The following ANKRD39 variants were observed in gnomAD, a reference collection of about 807,000 sequenced individuals.
ANKRD39 encodes the protein ankyrin repeat domain-containing protein 39.
Under a neutral mutation model 20.3 loss-of-function variants are expected in ANKRD39, and 18 were observed. That is an observed-to-expected ratio of 0.89 (90% confidence interval 0.61 to 1.32). ANKRD39 has a LOEUF of 1.32. ANKRD39 is among the 40% of genes most tolerant of loss of function. The pLI is 0.00. For synonymous variants in ANKRD39, 106 were observed against 111.9 expected, an observed-to-expected ratio of 0.95 and a Z score of 0.33; for missense variants, 243 against 250.7, an observed-to-expected ratio of 0.97 and a Z score of 0.21.
Position 96,848,100 on chromosome 2 carries a change from T to G in ANKRD39, c.*201A>C. 3.5e-6 allele frequency: 2 copies of G among 568,834 alleles called. No homozygotes were observed. Among genetic ancestry groups the G allele is most frequent in the East Asian group, 5.7e-5 (2 of 34,914 alleles). 35.2% of individuals were successfully genotyped at this position (568,834 alleles called of 1,614,324 possible). A position where few individuals can be genotyped will look rare whatever the true frequency, so the allele number is the denominator to read the frequency against. ...AATAGATGTCTCATATGAACTAATT[T>G]AGAATATGATCATCTGTCCAGTCTT... On this transcript the variant is annotated 3_prime_UTR_variant, in exon 4 of 4. Coordinates refer to ENST00000393537, the MANE Select transcript of ANKRD39 (RefSeq NM_016466.6).
intron 1 of ANKRD39, among the ~76,000 whole-genome samples, chr2:96,855,593 C>T (rs1381951820): frequency 2.0e-5 from 3 of 151,530 alleles, no homozygotes; most frequent in African/African-American, 7.3e-5. Context: ...CTTGGTGGCA[C>T]GCGCCTGTAG....
intron 3 of ANKRD39, among the ~76,000 whole-genome samples, chr2:96,852,202 A>T (rs1474350371): frequency 6.6e-6 from 1 of 150,984 alleles, no homozygotes; most frequent in Non-Finnish European, 1.5e-5. Context: ...AAAAAGTGAG[A>T]CCCTGTCTCA....
At chr2:96,856,033 G>A (rs1390687710) in intron 1 of ANKRD39, among the ~76,000 whole-genome samples, 1 of 151,696 alleles carries the variant, frequency 6.6e-6, no homozygotes, top group Non-Finnish European at 1.5e-5. Context: ...GTAGTGAAGC[G>A]GATTAACAAA....
At position 96,853,472 on chromosome 2, in the gene ANKRD39, C is replaced by G. The variant is rs17852947; in HGVS notation, c.337G>C (p.Ala113Pro). The G allele has an allele frequency of 6.2e-7, 1 of 1,606,818 alleles. No homozygotes were observed. Among genetic ancestry groups the G allele is most frequent in the Non-Finnish European group, 8.5e-7 (1 of 1,176,776 alleles). Residue 113 changes from alanine to proline, a missense_variant, in exon 3 of 4, where the codon GCG becomes CCG. Physicochemically the swap from Ala to Pro is conservative, Grantham distance 27. Transcript: ENST00000393537. ...GACCCATGTGATAGCAGGAGCCGCG[C>G]GATTTCAGTGTGCCCGCAGTAGCTG... is the stretch of plus-strand genomic sequence containing the variant. ...RASYCGHTEIARLLLSHGSNP... is the reference protein window; with the variant it reads ...RASYCGHTEIPRLLLSHGSNP...
chr2:96,853,371 C>T (rs200046504), intron 3 of ANKRD39, 30 bp downstream of exon 3: 297 of 1,549,242 alleles, frequency 1.9e-4, no homozygotes, highest in Middle Eastern at 3.3e-4. Flanking sequence ...AATAAGGAAA[C>T]GACATTTTTG....
chr2:96,855,048 C>G (rs2079856018), intron 1 of ANKRD39, among the ~76,000 whole-genome samples: 1 of 152,234 alleles, frequency 6.6e-6, no homozygotes, highest in African/African-American at 2.4e-5. Context: ...AAGAAGCAAT[C>G]TGCTGCCCTA....
chr2:96,848,953 T>C (rs1285054225), intron 3 of ANKRD39, among the ~76,000 whole-genome samples: 1 of 152,212 alleles, frequency 6.6e-6, no homozygotes, highest in East Asian at 1.9e-4. Context: ...GCTTGAGTTT[T>C]TCTTTCTTGT....
rs773624281 is a variant in ANKRD39 at position 96,857,981 on chromosome 2, T to C, written c.7A>G (p.Thr3Ala). 7.8e-6 allele frequency: 12 copies of C among 1,534,426 alleles called. No individual in the cohort carries two copies. The highest frequency in any genetic ancestry group is 1.4e-5 in the African/African-American group (1 of 71,174). ...GGCCCGTCCGCGCAGGGCCGAGGCG[T>C]CGCCATCCCGGCCCCGGCGTCAGTC... The part of the protein sequence containing the change: MA[T>A]PRPCADGPCC... Residue 3 changes from threonine to alanine, a missense_variant, in exon 1 of 4, where the codon ACG becomes GCG. Physicochemically the swap from Thr to Ala is moderately conservative, Grantham distance 58. Coordinates refer to ENST00000393537, the MANE Select transcript of ANKRD39 (RefSeq NM_016466.6).
At chr2:96,854,798 A>C (rs2079855104) in intron 1 of ANKRD39, among the ~76,000 whole-genome samples, 1 of 152,138 alleles carries the variant, frequency 6.6e-6, no homozygotes, top group Admixed American at 6.5e-5. Context: ...AAATTTTTCT[A>C]TTTTTAGTAG....
chr2:96,857,485 T>C (rs2079870996), intron 1 of ANKRD39, among the ~76,000 whole-genome samples: 1 of 152,244 alleles, frequency 6.6e-6, no homozygotes, highest in South Asian at 2.1e-4. Context: ...CAAAGGCCAC[T>C]GCTCTCCTTC....
At chr2:96,848,698 G>A (rs1463647321) in intron 3 of ANKRD39, among the ~76,000 whole-genome samples, 3 of 152,174 alleles carry the variant, frequency 2.0e-5, no homozygotes, top group African/African-American at 7.2e-5. Flanking sequence ...GCACGTGCCT[G>A]TAATCCCAGC....
intron 1 of ANKRD39, among the ~76,000 whole-genome samples, chr2:96,855,057 T>C (rs1574136644): frequency 2.0e-5 from 3 of 152,202 alleles, no homozygotes; most frequent in East Asian, 3.9e-4. Flanking sequence ...TCTGCTGCCC[T>C]AAGAGACAAT....
chr2:96,854,277 G>C (rs946735773), intron 2 of ANKRD39, 61 bp downstream of exon 2: 50 of 1,507,584 alleles, frequency 3.3e-5, no homozygotes, highest in Non-Finnish European at 3.8e-5. Flanking sequence ...CCTCCTCAGA[G>C]AGCAGGTGTC....
intron 2 of ANKRD39, 129 bp downstream of exon 2, chr2:96,854,209 G>A (rs2079852263): frequency 1.1e-6 from 1 of 949,656 alleles, no homozygotes; most frequent in African/African-American, 1.7e-5. Flanking sequence ...CTTAAAAAGA[G>A]AAATTTTGCT....
chr2:96,852,083 C>A (rs2079840553), intron 3 of ANKRD39, among the ~76,000 whole-genome samples: 1 of 151,962 alleles, frequency 6.6e-6, no homozygotes. Flanking sequence ...TGGTGGCATG[C>A]ACCTGTAGTC....
chr2:96,848,283 T>TAA lies in ANKRD39; in HGVS notation c.*17_*18insTT, dbSNP rs759818421. 58 of 1,613,480 alleles carry TAA rather than the reference T, an allele frequency of 3.6e-5. No individual in the cohort carries two copies. The East Asian group carries it at 1.3e-3, about 36-fold the overall frequency. ...GGTCTGTGTACCCTTTAAAGGCAGC[T>TAA]GGAGATAGGGTGGCGGCTCAGCTGG... On this transcript the variant is annotated 3_prime_UTR_variant, in exon 4 of 4. Transcript: ENST00000393537.
intron 1 of ANKRD39, among the ~76,000 whole-genome samples, chr2:96,855,513 A>C (rs1198594667): frequency 6.6e-6 from 1 of 152,172 alleles, no homozygotes; most frequent in African/African-American, 2.4e-5. Context: ...TCACGAGGTC[A>C]GGAGATCGAG....
rs570413216 is a variant in ANKRD39, at chr2:96,853,578, G to A, written c.231C>T (p.Tyr77=). ...TTTCCAGCAGGAACTGGCACACAGC[G>A]TAGTGCCCATTGCGGCTGGCATAGT... is the stretch of plus-strand genomic sequence containing the variant. The part of the protein sequence containing the change: ...ALHYASRNGH[Y]AVCQFLLESG... Residue 77 remains tyrosine (Y), a synonymous_variant, in exon 3 of 4, where the codon TAC becomes TAT. Coordinates refer to ENST00000393537, the MANE Select transcript of ANKRD39 (RefSeq NM_016466.6). 4.2e-5 allele frequency: 67 copies of A among 1,612,390 alleles called. No individual in the cohort carries two copies. Among genetic ancestry groups the A allele is most frequent in the Middle Eastern group, 4.2e-4 (2 of 4,722 alleles).
At chr2:96,851,332 T>C (rs538681300) in intron 3 of ANKRD39, among the ~76,000 whole-genome samples, 1 of 152,226 alleles carries the variant, frequency 6.6e-6, no homozygotes, top group Admixed American at 6.5e-5. Context: ...AATTTTGTAT[T>C]TTTAGTAGAG....
Sources: gnomAD v4.1 joint callset for allele counts (sites outside exome capture counted in the v4.1 genomes callset) on GRCh38, gnomAD v4.1.1 for gene constraint, MANE v1.5 for transcripts, NCBI Gene and HGNC (gene_info 2026-07-23, HGNC 2026-07-21) for gene names.